Variants in RALYL observed in about 807,000 individuals in gnomAD.
The protein encoded by RALYL is RNA-binding Raly-like protein.
Under a neutral mutation model 35.1 loss-of-function variants are expected in RALYL, and 29 were observed. The observed-to-expected ratio is 0.83, with a 90% confidence interval of 0.61 to 1.13. The LOEUF (loss-of-function observed/expected upper bound fraction) is 1.13. Among genes scored for constraint, RALYL ranks in the 50% most tolerant of loss-of-function variants. The pLI is 0.00. For synonymous variants in RALYL, 120 were observed against 127.6 expected (o/e 0.94, Z 0.40); for missense variants, 359 against 360.4 (o/e 1.00, Z 0.03).
intron 1 of RALYL, among the ~76,000 whole-genome samples, chr8:84,507,673 C>T (rs2057287018): frequency 6.6e-6 from 1 of 152,086 alleles, no homozygotes; most frequent in African/African-American, 2.4e-5. Context: ...TTTATTTTTC[C>T]CTCCAAAGGC....
At chr8:84,213,148 T>C (rs1384581687) in intron 1 of RALYL, among the ~76,000 whole-genome samples, 1 of 152,110 alleles carries the variant, frequency 6.6e-6, no homozygotes. Flanking sequence ...CCCAGCACTT[T>C]GGGAGGCCGA....
intron 1 of RALYL, among the ~76,000 whole-genome samples, chr8:84,355,767 A>T (rs1370929451): frequency 6.7e-6 from 1 of 150,210 alleles, no homozygotes; most frequent in Non-Finnish European, 1.5e-5. Flanking sequence ...CAGTCAAATC[A>T]AGAGCACTTA....
intron 1 of RALYL, among the ~76,000 whole-genome samples, chr8:84,199,409 G>A (rs952950404): frequency 2.0e-5 from 3 of 152,106 alleles, no homozygotes; most frequent in African/African-American, 7.2e-5. Flanking sequence ...TCTTTTGTCA[G>A]ATGGGCAATT....
At position 84,686,228 on chromosome 8, in the gene RALYL, AGTG is replaced by A. The variant is rs148919443; in HGVS notation, c.257-88347_257-88345del. ...GAACAGTTGGAAAAATTATCACAAA[AGTG>A]GTGAAGTAAACTGAGCCTTCTAACA... On this transcript the variant is annotated intron_variant, in intron 2 of 8. Transcript: ENST00000521268. Among the ~76,000 whole-genome samples, 574 of 152,274 alleles carry A rather than the reference AGTG, an allele frequency of 3.8e-3. 5 individuals are homozygous for A. Among genetic ancestry groups the A allele is most frequent in the African/African-American group, 0.013 (543 of 41,566 alleles).
At chr8:84,364,935 A>C (rs1853903579) in intron 1 of RALYL, among the ~76,000 whole-genome samples, 1 of 152,156 alleles carries the variant, frequency 6.6e-6, no homozygotes, top group Admixed American at 6.5e-5. Context: ...TTTCAGCTTC[A>C]AATAAATAGT....
At chr8:84,393,657 G>C (rs953450313) in intron 1 of RALYL, among the ~76,000 whole-genome samples, 4 of 152,054 alleles carry the variant, frequency 2.6e-5, no homozygotes, top group Admixed American at 2.0e-4. Context: ...CATCCAGCAA[G>C]TGCTTTAATC....
intron 2 of RALYL, among the ~76,000 whole-genome samples, chr8:84,715,718 A>G (rs1842861141): frequency 6.6e-6 from 1 of 152,066 alleles, no homozygotes; most frequent in African/African-American, 2.4e-5. Flanking sequence ...TTCTTGATCT[A>G]GAACAGCTAA....
At chr8:84,540,178 T>C (rs2059929038) in intron 2 of RALYL, among the ~76,000 whole-genome samples, 1 of 151,898 alleles carries the variant, frequency 6.6e-6, no homozygotes, top group Non-Finnish European at 1.5e-5. Flanking sequence ...TTTTATTTAT[T>C]ATCTTCCAAT....
In RALYL at chr8:84,765,592, A is replaced by C. The variant is rs568011993; in HGVS notation, c.257-8987A>C. ...TTCACAGGGTTGTTCTGAGGATCTC[A>C]ACTAATAATAACTACCAAAACACTT... On this transcript the variant is annotated intron_variant, in intron 2 of 8. Transcript: ENST00000521268. Among the ~76,000 whole-genome samples the C allele has an allele frequency of 7.2e-5, 11 of 152,310 alleles. No homozygotes were observed. In the East Asian group the frequency reaches 1.4e-3, roughly 19 times the overall value.
intron 1 of RALYL, among the ~76,000 whole-genome samples, chr8:84,250,765 T>C (rs918460175): frequency 9.3e-4 from 141 of 152,286 alleles, no homozygotes; most frequent in African/African-American, 3.3e-3. Flanking sequence ...ATGTACTTTC[T>C]TGGAGACTTT....
chr8:84,539,713 A>G (rs961137284), intron 2 of RALYL, among the ~76,000 whole-genome samples: 3 of 151,604 alleles, frequency 2.0e-5, no homozygotes, highest in African/African-American at 4.8e-5. Flanking sequence ...TTTGATAGTG[A>G]AAAAGATTCA....
intron 1 of RALYL, among the ~76,000 whole-genome samples, chr8:84,439,146 A>C (rs917182903): frequency 1.3e-5 from 2 of 151,894 alleles, no homozygotes; most frequent in African/African-American, 4.8e-5. Context: ...TTTGACAGGA[A>C]TAGTGTTGAA....
intron 1 of RALYL, among the ~76,000 whole-genome samples, chr8:84,234,069 T>C (rs527793135): frequency 1.3e-5 from 2 of 152,302 alleles, no homozygotes; most frequent in South Asian, 2.1e-4. Context: ...ATTTATCTTT[T>C]TGTATCTCTC....
chr8:84,256,999 A>C (rs1831329058), intron 1 of RALYL, among the ~76,000 whole-genome samples: 1 of 151,974 alleles, frequency 6.6e-6, no homozygotes, highest in Non-Finnish European at 1.5e-5. Flanking sequence ...TAATATACTT[A>C]TTAAACAAAT....
At chr8:84,334,667 T>C (rs373445472) in intron 1 of RALYL, among the ~76,000 whole-genome samples, 27 of 152,240 alleles carry the variant, frequency 1.8e-4, no homozygotes, top group African/African-American at 5.3e-4. Context: ...TAATGTGTTT[T>C]GTAACTGTTT....
chr8:84,780,293 CT>C (rs780310972), intron 3 of RALYL, among the ~76,000 whole-genome samples: 1 of 152,164 alleles, frequency 6.6e-6, no homozygotes, highest in Admixed American at 6.5e-5. Context: ...CCCTGGTTTA[CT>C]TTGAATGTAT....
intron 2 of RALYL, among the ~76,000 whole-genome samples, chr8:84,673,545 G>T (rs184102520): frequency 6.6e-6 from 1 of 152,142 alleles, no homozygotes; most frequent in East Asian, 1.9e-4. Context: ...ATCTTGAGTT[G>T]ATTTTTGTAT....
At chr8:84,530,635 G>A (rs2059218459) in intron 2 of RALYL, among the ~76,000 whole-genome samples, 1 of 152,118 alleles carries the variant, frequency 6.6e-6, no homozygotes, top group Admixed American at 6.6e-5. Flanking sequence ...CAGGGGCACT[G>A]AAATAACTCC....
intron 4 of RALYL, among the ~76,000 whole-genome samples, chr8:84,846,861 T>C (rs11995795): frequency 2.6e-5 from 4 of 152,226 alleles, no homozygotes; most frequent in Non-Finnish European, 4.4e-5. Context: ...TGTAATGTTA[T>C]CTGTGTCACT....
Sources: gnomAD v4.1 joint callset for allele counts (sites outside exome capture counted in the v4.1 genomes callset) on GRCh38, gnomAD v4.1.1 for gene constraint, MANE v1.5 for transcripts, NCBI Gene and HGNC (gene_info 2026-07-23, HGNC 2026-07-21) for gene names.